The following ADGRB3 variants were observed in gnomAD, a reference collection of about 807,000 sequenced individuals.
ADGRB3 encodes brain-specific angiogenesis inhibitor 3.
ADGRB3 carries 37 observed loss-of-function variants against 193.4 expected under a neutral mutation model. The ratio of observed to expected loss-of-function variants is 0.19; its 90% confidence interval spans 0.15 to 0.25. The LOEUF (loss-of-function observed/expected upper bound fraction) is 0.25, where lower values mean the gene tolerates loss of function less well. Among genes scored for constraint, ADGRB3 ranks in the 10% least tolerant of loss-of-function variants. The pLI, the probability that ADGRB3 is intolerant of heterozygous loss-of-function variation, is 1.00. For synonymous variants in ADGRB3, 690 were observed against 644.2 expected (o/e 1.07, Z -1.08); for missense variants, 1,637 against 1,852.9 (o/e 0.88, Z 2.14).
chr6:68,638,536 CCTT>C (rs1768006396), intron 2 of ADGRB3, 122 bp from the exon 3 acceptor site: 7 of 955,218 alleles, frequency 7.3e-6, no homozygotes, highest in Admixed American at 5.8e-5. Context: ...AATTACCTGC[CCTT>C]CTTTTAAAAA....
At chr6:69,007,749 A>G (rs1769807991) in intron 11 of ADGRB3, among the ~76,000 whole-genome samples, 1 of 151,030 alleles carries the variant, frequency 6.6e-6, no homozygotes, top group South Asian at 2.1e-4. Flanking sequence ...TATTCAGTCT[A>G]TTCCTATAAC....
chr6:69,034,051 G>C (rs2150294947), intron 13 of ADGRB3, among the ~76,000 whole-genome samples: 1 of 152,110 alleles, frequency 6.6e-6, no homozygotes, highest in East Asian at 1.9e-4. Context: ...CTCAAATGAA[G>C]TGGGAATACA....
chr6:69,204,184 GT>G (rs1207734715), intron 17 of ADGRB3, among the ~76,000 whole-genome samples: 2 of 152,072 alleles, frequency 1.3e-5, no homozygotes, highest in Non-Finnish European at 2.9e-5. Flanking sequence ...AAGCCTAAAT[GT>G]TTTGTGTAAA....
intron 17 of ADGRB3, among the ~76,000 whole-genome samples, chr6:69,091,858 TTA>T (rs1265414202): frequency 6.6e-6 from 1 of 152,182 alleles, no homozygotes; most frequent in Non-Finnish European, 1.5e-5. Context: ...AAAAATCATG[TTA>T]AATGTTTGGA....
At chr6:68,708,927 A>G (rs541276662) in intron 3 of ADGRB3, among the ~76,000 whole-genome samples, 1 of 152,230 alleles carries the variant, frequency 6.6e-6, no homozygotes, top group East Asian at 1.9e-4. Flanking sequence ...AATAACATTG[A>G]AATCAGAAAA....
intron 20 of ADGRB3, among the ~76,000 whole-genome samples, chr6:69,275,293 TC>T (rs1767278539): frequency 6.6e-6 from 1 of 152,138 alleles, no homozygotes; most frequent in African/African-American, 2.4e-5. Flanking sequence ...GTTTCTTCTT[TC>T]ATCTTTATTC....
intron 8 of ADGRB3, among the ~76,000 whole-genome samples, chr6:68,962,600 G>T (rs1319363727): frequency 6.6e-6 from 1 of 151,988 alleles, no homozygotes; most frequent in Non-Finnish European, 1.5e-5. Flanking sequence ...TTCTCAAATT[G>T]AAAAGAAAAA....
intron 3 of ADGRB3, among the ~76,000 whole-genome samples, chr6:68,677,106 T>C (rs1277833651): frequency 6.6e-6 from 1 of 152,200 alleles, no homozygotes; most frequent in Non-Finnish European, 1.5e-5. Context: ...TTCCATACAT[T>C]ACTATTTGGC....
At chr6:68,743,682 G>C (rs1363662043) in intron 3 of ADGRB3, among the ~76,000 whole-genome samples, 1 of 151,950 alleles carries the variant, frequency 6.6e-6, no homozygotes, top group Non-Finnish European at 1.5e-5. Context: ...CTGACACTCA[G>C]AACTTGCCAG....
intron 30 of ADGRB3, among the ~76,000 whole-genome samples, chr6:69,381,928 A>G (rs938697121): frequency 8.6e-5 from 13 of 151,938 alleles, no homozygotes; most frequent in African/African-American, 2.9e-4. Flanking sequence ...TTAAAAATCA[A>G]AACTGAGGAA....
At chr6:68,956,309 G>T in intron 7 of ADGRB3, 121 bp downstream of exon 7, 1 of 915,800 alleles carries the variant, frequency 1.1e-6, no homozygotes, top group East Asian at 2.7e-5. Flanking sequence ...ATATGTGTGT[G>T]TGTGTGTGTG....
chr6:69,180,191 A>G (rs1342983655), intron 17 of ADGRB3, among the ~76,000 whole-genome samples: 1 of 152,220 alleles, frequency 6.6e-6, no homozygotes, highest in Non-Finnish European at 1.5e-5. Flanking sequence ...AGGTGCCTGG[A>G]GATCTGCCTG....
At chr6:68,667,416 T>C (rs986698071) in intron 3 of ADGRB3, among the ~76,000 whole-genome samples, 1 of 151,950 alleles carries the variant, frequency 6.6e-6, no homozygotes. Context: ...TTAGTGTCTA[T>C]AGTTCTGTGT....
At chr6:69,285,706 C>A (rs1048444791) in intron 20 of ADGRB3, among the ~76,000 whole-genome samples, 2 of 151,784 alleles carry the variant, frequency 1.3e-5, no homozygotes, top group Non-Finnish European at 2.9e-5. Context: ...ATAGTACTAT[C>A]ATTGTGGCAG....
At position 68,910,495 on chromosome 6, in the gene ADGRB3, A is replaced by G. The variant is rs192472306; in HGVS notation, c.758-20064A>G. On this transcript the variant is annotated intron_variant, in intron 3 of 31. Transcript: ENST00000370598. ...AAGTCCTTGCCCATGCCTATGTCTGAATGGTATTGCCTAGGTTTTCTTCTA... is the reference window on the plus strand; with the variant it reads ...AAGTCCTTGCCCATGCCTATGTCTGGATGGTATTGCCTAGGTTTTCTTCTA... 4.1e-3 allele frequency among the ~76,000 whole-genome samples: 623 copies of G among 152,240 alleles called. 2 individuals carry two copies. Among genetic ancestry groups the G allele is most frequent in the Non-Finnish European group, 5.2e-3 (351 of 68,020 alleles).
chr6:69,097,973 A>C (rs912883888), intron 17 of ADGRB3, among the ~76,000 whole-genome samples: 7 of 152,198 alleles, frequency 4.6e-5, no homozygotes, highest in Non-Finnish European at 8.8e-5. Context: ...TATTTACACA[A>C]GTGGATTTAG....
At position 69,066,784 on chromosome 6, in the gene ADGRB3, TAA is replaced by T. The variant is rs553918261; in HGVS notation, c.2436+3749_2436+3750del. Among the ~76,000 whole-genome samples, 522 of 152,212 alleles carry T rather than the reference TAA, an allele frequency of 3.4e-3. 1 individual carries two copies. The highest frequency in any genetic ancestry group is 0.011 in the African/African-American group (443 of 41,548). On this transcript the variant is annotated intron_variant, in intron 16 of 31. Coordinates refer to ENST00000370598, the MANE Select transcript of ADGRB3 (RefSeq NM_001704.3). ...CCAAAAATTTGTTTTTTATATCACT[TAA>T]GAGTGACATTTATACTCATCAAATT...
At chr6:69,071,231 C>CT (rs1260286917) in intron 16 of ADGRB3, among the ~76,000 whole-genome samples, 2 of 152,020 alleles carry the variant, frequency 1.3e-5, no homozygotes, top group Admixed American at 1.3e-4. Context: ...TGAGTATTTC[C>CT]TTAAAAAGAC....
intron 3 of ADGRB3, among the ~76,000 whole-genome samples, chr6:68,863,894 C>T (rs377027544): frequency 1.6e-4 from 24 of 152,110 alleles, no homozygotes; most frequent in Non-Finnish European, 1.9e-4. Context: ...TGGGATAAAG[C>T]GATAAGTAAA....
Sources: allele counts gnomAD v4.1 joint callset (sites outside exome capture counted in the v4.1 genomes callset), GRCh38; gene constraint gnomAD v4.1.1; transcripts MANE v1.5; gene names NCBI Gene and HGNC (gene_info 2026-07-23, HGNC 2026-07-21).